HAUS7: variants seen among roughly 807,000 people sequenced by gnomAD.
The protein encoded by HAUS7 is HAUS augmin-like complex subunit 7.
A neutral mutation model predicts 28.4 loss-of-function variants in HAUS7; 3 were observed. That is an observed-to-expected ratio of 0.11 (90% CI 0.05 to 0.27). The LOEUF (loss-of-function observed/expected upper bound fraction) is 0.27. HAUS7 is among the 10% of genes least tolerant of loss of function. The probability of loss-of-function intolerance (pLI) is 1.00; values close to 1 mark genes in which losing one functional copy is unlikely to be tolerated. For missense variants in HAUS7, 284 were observed against 297.3 expected, an observed-to-expected ratio of 0.96 and a Z score of 0.33; for synonymous variants, 165 against 132.1, an observed-to-expected ratio of 1.25 and a Z score of -1.71.
chrX:153,448,374 T>C (rs5945375), intron 9 of HAUS7, among the ~76,000 whole-genome samples: 8,773 of 75,145 alleles, frequency 0.12, 566 homozygotes, highest in Non-Finnish European at 0.16. Flanking sequence ...AAGGGGAACA[T>C]CACACACTGG....
Position 153,457,201 on chromosome X carries a change from G to A in HAUS7, c.382C>T (p.His128Tyr). Residue 128 changes from histidine (H) to tyrosine (Y), a missense_variant, in exon 5 of 10, where the codon CAC becomes TAC. By Grantham distance (83) the His-to-Tyr change is moderately conservative. Transcript: ENST00000370211. ...GTATCGAGCAACTGGTCCATGAAGT[G>A]TAGCTGCTTCTGGGCGCAGGCACAG... ...KGCACAQKQL[H>Y]FMDQLLDTIR... 2 of 1,200,832 alleles carry A rather than the reference G, an allele frequency of 1.7e-6. No homozygotes were observed. The highest frequency in any genetic ancestry group is 1.1e-6 in the Non-Finnish European group (1 of 885,178).
chrX:153,486,711 C>G, intron 1 of HAUS7: 1 of 982,990 alleles, frequency 1.0e-6, no homozygotes, highest in Non-Finnish European at 1.3e-6. Context: ...AGAACAACCT[C>G]ATTGACCGGC....
At chrX:153,469,685 G>A (rs1266339895) in intron 1 of HAUS7, among the ~76,000 whole-genome samples, 2 of 112,217 alleles carry the variant, frequency 1.8e-5, no homozygotes, top group Non-Finnish European at 3.8e-5. Flanking sequence ...CTGCCATCTT[G>A]CCAAGAGTTC....
At chrX:153,478,325 G>C (rs1402086876) in intron 1 of HAUS7, among the ~76,000 whole-genome samples, 1 of 111,966 alleles carries the variant, frequency 8.9e-6, no homozygotes, top group African/African-American at 3.3e-5. Context: ...ACTGGAGCCA[G>C]ACACCCCCTT....
chrX:153,448,802 G>A (rs971837788), intron 9 of HAUS7, among the ~76,000 whole-genome samples: 4 of 111,769 alleles, frequency 3.6e-5, no homozygotes, highest in Middle Eastern at 4.7e-3. Flanking sequence ...GGGTCACACC[G>A]ACCGCAGCAC....
chrX:153,461,824 T>C (rs782449841), intron 4 of HAUS7: 1 of 288,194 alleles, frequency 3.5e-6, no homozygotes, highest in Non-Finnish European at 6.0e-6. Flanking sequence ...GGAAAACAGT[T>C]TGGGGGCTCC....
At position 153,455,631 on chromosome X, in the gene HAUS7, C is replaced by T. The variant is rs1556981962; in HGVS notation, c.841G>A (p.Gly281Ser). 1.2e-5 allele frequency: 15 copies of T among 1,208,211 alleles called. No homozygotes were observed. The highest frequency in any genetic ancestry group is 1.3e-5 in the Non-Finnish European group (12 of 893,095). The change falls in exon 8 of 10, where the codon GGC becomes AGC. Residue 281 changes from glycine to serine, a missense_variant. Gly to Ser is a moderately conservative substitution (Grantham distance 56, BLOSUM62 0). Coordinates refer to ENST00000370211, the MANE Select transcript of HAUS7 (RefSeq NM_001385482.1). ...AFLQVYDDEL[G>S]ECCQRPGPDL... ...GGGCCTGGGCGCTGGCAGCACTCGC[C>T]CAGCTCGTCGTCGTAGACTTGGAGA... is the stretch of plus-strand genomic sequence containing the variant.
At chrX:153,461,510 A>C (rs1338567471) in intron 4 of HAUS7, 1 of 111,515 alleles carries the variant, frequency 9.0e-6, no homozygotes, top group Non-Finnish European at 1.9e-5. Flanking sequence ...AATTAAGAAA[A>C]AAAACAAAAC....
At chrX:153,488,374 G>T (rs1415396334) in intron 1 of HAUS7, among the ~76,000 whole-genome samples, 9 of 113,173 alleles carry the variant, frequency 8.0e-5, no homozygotes, top group Non-Finnish European at 7.5e-5. Context: ...TCCGCTGCAA[G>T]GACCTCGCCC....
chrX:153,470,429 G>A (rs782362416), intron 1 of HAUS7, 21 bp downstream of exon 1: 3 of 1,204,388 alleles, frequency 2.5e-6, no homozygotes, highest in Non-Finnish European at 3.4e-6. Context: ...GCCCTGGAGT[G>A]GCTTTCTGGG....
chrX:153,465,086 G>A (rs2089439048), intron 2 of HAUS7, 31 bp from the exon 3 acceptor site: 7 of 1,061,429 alleles, frequency 6.6e-6, no homozygotes, highest in South Asian at 3.8e-5. Context: ...TGGTCAGGCC[G>A]GAGACAGCCA....
chrX:153,483,206 G>A, intron 1 of HAUS7: 2 of 529,717 alleles, frequency 3.8e-6, no homozygotes, highest in Non-Finnish European at 4.6e-6. Flanking sequence ...GAAGGAGGCA[G>A]TGCCGGCAGA....
intron 1 of HAUS7, chrX:153,483,225 A>G: frequency 1.6e-6 from 1 of 629,453 alleles, no homozygotes; most frequent in Non-Finnish European, 1.9e-6. Flanking sequence ...GAGAATGGGC[A>G]CAGCCAGAGT....
intron 9 of HAUS7, among the ~76,000 whole-genome samples, chrX:153,449,950 G>A (rs2089217977): frequency 8.9e-6 from 1 of 112,333 alleles, no homozygotes; most frequent in Non-Finnish European, 1.9e-5. Flanking sequence ...AGCATGTCTG[G>A]ATGTCGCACT....
intron 2 of HAUS7, among the ~76,000 whole-genome samples, chrX:153,465,939 T>A (rs1431100542): frequency 4.4e-5 from 5 of 112,466 alleles, no homozygotes; most frequent in African/African-American, 1.6e-4. Context: ...CAGCCTTTCA[T>A]AAACAAGAAG....
intron 5 of HAUS7, chrX:153,456,876 G>A (rs2089319963): frequency 4.5e-6 from 2 of 440,994 alleles, no homozygotes; most frequent in East Asian, 3.7e-5. Context: ...CCTCCTCTGT[G>A]CCTGGCCCGT....
chrX:153,490,846 C>G (rs782357105), intron 1 of HAUS7, among the ~76,000 whole-genome samples: 3 of 112,474 alleles, frequency 2.7e-5, no homozygotes, highest in Non-Finnish European at 5.6e-5. Flanking sequence ...CCCTGCCCCC[C>G]AGTCTTGTAC....
At chrX:153,474,159 TCTC>T (rs782195682), upstream of HAUS7, among the ~76,000 whole-genome samples, 1 of 112,209 alleles carries the variant, frequency 8.9e-6, no homozygotes, top group East Asian at 2.8e-4. Flanking sequence ...TCTACAACGT[TCTC>T]CTCCTAGGCC....
rs1556983481 is a variant in HAUS7 at position 153,462,045 on chromosome X, C to T, written c.354+565G>A. The T allele has an allele frequency of 4.1e-6, 3 of 727,665 alleles. No individual in the cohort carries two copies. In the African/African-American group the frequency reaches 6.5e-5, roughly 16 times the overall value. 60.0% of individuals were successfully genotyped at this position (727,665 alleles called of 1,213,427 possible). On this transcript the variant is annotated intron_variant, in intron 4 of 9. Coordinates refer to ENST00000370211, the MANE Select transcript of HAUS7 (RefSeq NM_001385482.1). ...GGACCTCCTGGGGCTGTGTCATAGG[C>T]CATTGGTCACGTGAATAAATCTCTT... is the stretch of plus-strand genomic sequence containing the variant.
Sources: allele counts gnomAD v4.1 joint callset (sites outside exome capture counted in the v4.1 genomes callset), GRCh38; gene constraint gnomAD v4.1.1; transcripts MANE v1.5; gene names NCBI Gene and HGNC (gene_info 2026-07-23, HGNC 2026-07-21).